Variants in EDN3 observed in about 807,000 individuals in gnomAD.
EDN3 encodes the protein endothelin 3, also known as endothelin-3.
Under a neutral mutation model 21.4 loss-of-function variants are expected in EDN3, and 9 were observed. The observed-to-expected ratio is 0.42, with a 90% CI of 0.25 to 0.73. The LOEUF is 0.73. Ranked by LOEUF, EDN3 falls within the 30% of genes least tolerant of loss-of-function variation. The pLI is 0.26. For missense variants in EDN3, 327 were observed against 309.4 expected (o/e 1.06, Z -0.43); for synonymous variants, 133 against 126.2 (o/e 1.05, Z -0.36).
At position 59,322,583 on chromosome 20, in the gene EDN3, G is replaced by T. The variant is rs550956460; in HGVS notation, c.588+166G>T. On this transcript the variant is annotated intron_variant, in intron 4 of 4. Transcript: ENST00000337938. The surrounding 1 kb of genome is among the most constrained non-coding windows in gnomAD (Gnocchi z 4.1). ...CCCACAAGCAATGGTGCCTTTGGTG[G>T]ACCGTTTCTGGGGGCAGAGCGGGCT... is the stretch of plus-strand genomic sequence containing the variant. The T allele has an allele frequency of 5.3e-6, 5 of 951,872 alleles. No individual in the cohort carries two copies. The East Asian group carries it at 1.3e-4, about 25-fold the overall frequency. The allele number at this position is 951,872 out of a possible 1,614,324, so 59.0% of individuals were successfully genotyped here. A position where few individuals can be genotyped will look rare whatever the true frequency, so the allele number is the denominator to read the frequency against.
chr20:59,322,948 TGTC>T lies in EDN3; in HGVS notation c.588+532_588+534del, dbSNP rs1256522518. ...ATTGTATTATTTTTTTTAACCCACT[TGTC>T]TTTTTTGTATGAGAGATCCTGAGGG... On this transcript the variant is annotated intron_variant, in intron 4 of 4. Coordinates refer to ENST00000337938, the MANE Select transcript of EDN3 (RefSeq NM_207034.3). The surrounding 1 kb of genome is among the most constrained non-coding windows in gnomAD (Gnocchi z 4.1). 3.3e-5 allele frequency among the ~76,000 whole-genome samples: 5 copies of T among 152,194 alleles called. No individual in the cohort carries two copies. Among genetic ancestry groups the T allele is most frequent in the African/African-American group, 1.2e-4 (5 of 41,434 alleles).
chr20:59,310,304 C>A (rs1251494089), intron 2 of EDN3, among the ~76,000 whole-genome samples: 2 of 152,120 alleles, frequency 1.3e-5, no homozygotes, highest in Non-Finnish European at 2.9e-5. Flanking sequence ...AAACAGAGTT[C>A]CTCAAAATTG....
At chr20:59,316,125 G>T (rs1356914893) in intron 2 of EDN3, among the ~76,000 whole-genome samples, 1 of 152,214 alleles carries the variant, frequency 6.6e-6, no homozygotes, top group Non-Finnish European at 1.5e-5. Context: ...GGCGGAGGTT[G>T]CAGTGAGCCA....
At chr20:59,313,511 G>A (rs1989969823) in intron 2 of EDN3, among the ~76,000 whole-genome samples, 1 of 152,140 alleles carries the variant, frequency 6.6e-6, no homozygotes, top group Non-Finnish European at 1.5e-5. Flanking sequence ...TAAATCCAAA[G>A]GTTTTTTGAG....
Position 59,305,043 on chromosome 20 carries a change from T to C in EDN3, c.365+3321T>C, listed in dbSNP as rs1989306497. On this transcript the variant is annotated intron_variant, in intron 2 of 4. Transcript: ENST00000337938. This position sits in a 1 kb window ranked among gnomAD's most constrained non-coding sequence, Gnocchi z 4.2. ...TGCTCTTCAGGGGCCTGCACATCCCTGTAGACAGGGGTGGGCAAGAGAGTT... is the reference window on the plus strand; with the variant it reads ...TGCTCTTCAGGGGCCTGCACATCCCCGTAGACAGGGGTGGGCAAGAGAGTT... Among the ~76,000 whole-genome samples, 1 of 152,210 alleles carries C rather than the reference T, an allele frequency of 6.6e-6. No individual in the cohort carries two copies. The highest frequency in any genetic ancestry group is 2.1e-4 in the South Asian group (1 of 4,824).
chr20:59,302,798 C>T (rs565798824), intron 2 of EDN3, among the ~76,000 whole-genome samples: 31 of 152,266 alleles, frequency 2.0e-4, no homozygotes, highest in African/African-American at 7.0e-4. Context: ...GTCCCGGAGC[C>T]GTCTTGATTC....
Position 59,301,560 on chromosome 20 carries a change from C to G in EDN3, c.203C>G (p.Pro68Arg). ...VAGPGEGTVAPTALQGPSPGS... is the reference protein window; with the variant it reads ...VAGPGEGTVARTALQGPSPGS... ...GGCCCTGGCGAGGGGACTGTGGCCC[C>G]GACAGCACTGCAGGGTCCAAGCCCT... The change falls in exon 2 of 5, where the codon CCG becomes CGG. Residue 68 changes from proline (P) to arginine (R), a missense_variant. Coordinates refer to ENST00000337938, the MANE Select transcript of EDN3 (RefSeq NM_207034.3). The G allele has an allele frequency of 6.2e-7, 1 of 1,613,320 alleles. No homozygotes were observed. Among genetic ancestry groups the G allele is most frequent in the South Asian group, 1.1e-5 (1 of 91,070 alleles).
chr20:59,316,163 C>T (rs11570320), intron 2 of EDN3, among the ~76,000 whole-genome samples: 3,373 of 152,066 alleles, frequency 0.022, 122 homozygotes, highest in African/African-American at 0.077. Context: ...TCCAGCCTGG[C>T]GACAGAGTGA....
At chr20:59,304,010 C>T (rs1362176846) in intron 2 of EDN3, among the ~76,000 whole-genome samples, 1 of 152,112 alleles carries the variant, frequency 6.6e-6, no homozygotes, top group East Asian at 1.9e-4. Flanking sequence ...CAAATGGCCT[C>T]CTTCCCTCCC....
chr20:59,318,841 G>A, intron 2 of EDN3, among the ~76,000 whole-genome samples: 1 of 152,244 alleles, frequency 6.6e-6, no homozygotes, highest in Non-Finnish European at 1.5e-5. Flanking sequence ...GCTGACAGCA[G>A]TTTCAAAATT....
At position 59,301,467 on chromosome 20, in the gene EDN3, C is replaced by A. The variant is rs779215514; in HGVS notation, c.110C>A (p.Pro37His). The change falls in exon 2 of 5, where the codon CCC becomes CAC. Residue 37 changes from proline (P) to histidine (H), a missense_variant. Transcript: ENST00000337938. ...GGCAGGCGCGGCGTGTCCCAGGCCC[C>A]CACTGCAGCCAGATCTGAGGGGGAC... Reference protein sequence around the residue: ...DAGRRGVSQAPTAARSEGDCE... With the variant: ...DAGRRGVSQAHTAARSEGDCE... 1.2e-6 allele frequency: 2 copies of A among 1,613,402 alleles called. No homozygotes were observed. The highest frequency in any genetic ancestry group is 3.3e-5 in the Admixed American group (2 of 60,024).
At chr20:59,304,849 T>G (rs529162608) in intron 2 of EDN3, among the ~76,000 whole-genome samples, 1 of 152,300 alleles carries the variant, frequency 6.6e-6, no homozygotes, top group East Asian at 1.9e-4. Flanking sequence ...CCGAGCTTGG[T>G]CGGCCCTTTC....
At chr20:59,303,679 C>A (rs1293485154) in intron 2 of EDN3, among the ~76,000 whole-genome samples, 1 of 152,152 alleles carries the variant, frequency 6.6e-6, no homozygotes, top group Non-Finnish European at 1.5e-5. Context: ...TCAACCAACA[C>A]CCTGTGATCT....
rs1990811103 is a variant in EDN3 at position 59,325,876 on chromosome 20, A to G, written c.*1417A>G. Reference sequence around the variant, plus strand: ...TTAGAGCTTGAATTACATTTTTAAAATGCATATGTGCTGTTTGGCACCGTG... The same window carrying G: ...TTAGAGCTTGAATTACATTTTTAAAGTGCATATGTGCTGTTTGGCACCGTG... On this transcript the variant is annotated 3_prime_UTR_variant, in exon 5 of 5. Transcript: ENST00000337938. 6.6e-6 allele frequency: 1 copy of G among 152,254 alleles called. No homozygotes were observed. The highest frequency in any genetic ancestry group is 1.5e-5 in the Non-Finnish European group (1 of 68,052). The allele number at this position is 152,254 out of a possible 1,614,324, so 9.4% of individuals were successfully genotyped here.
intron 2 of EDN3, among the ~76,000 whole-genome samples, chr20:59,313,606 A>G (rs571866987): frequency 2.6e-5 from 4 of 152,330 alleles, no homozygotes; most frequent in Non-Finnish European, 5.9e-5. Flanking sequence ...GTATTTCCAA[A>G]TATTCTAGAA....
rs1989302700 is a variant in EDN3 at position 59,305,005 on chromosome 20, C to T, written c.365+3283C>T. 6.6e-6 allele frequency among the ~76,000 whole-genome samples: 1 copy of T among 152,190 alleles called. No individual in the cohort carries two copies. Among genetic ancestry groups the T allele is most frequent in the Non-Finnish European group, 1.5e-5 (1 of 68,028 alleles). ...TCTCCCACACAGGAGGCCTCTTTCT[C>T]CAGGTGCCTGGCTGCTCTTCAGGGG... On this transcript the variant is annotated intron_variant, in intron 2 of 4. Transcript: ENST00000337938. The surrounding 1 kb of genome is among the most constrained non-coding windows in gnomAD (Gnocchi z 4.2).
intron 2 of EDN3, among the ~76,000 whole-genome samples, chr20:59,306,083 G>A (rs886291072): frequency 1.3e-5 from 2 of 152,078 alleles, no homozygotes; most frequent in African/African-American, 2.4e-5. Context: ...GAGCCCCACT[G>A]TGCTCCTCCC....
chr20:59,320,150 C>G (rs1990434971), intron 2 of EDN3, among the ~76,000 whole-genome samples: 1 of 152,218 alleles, frequency 6.6e-6, no homozygotes. Context: ...TGGTTTCAAG[C>G]CTTCTTCATC....
Position 59,315,980 on chromosome 20 carries a change from CTG to C in EDN3, c.366-5036_366-5035del, listed in dbSNP as rs1456412256. Among the ~76,000 whole-genome samples the C allele has an allele frequency of 2.0e-5, 3 of 152,130 alleles. No individual in the cohort carries two copies. In the East Asian group the frequency reaches 5.8e-4, roughly 29 times the overall value. Reference sequence around the variant, plus strand: ...GGGGGTGGATCACGAGGTCAAACGACTGAGACCATTCTGGCCAACATGGTGAA... The same window carrying C: ...GGGGGTGGATCACGAGGTCAAACGACAGACCATTCTGGCCAACATGGTGAA... On this transcript the variant is annotated intron_variant, in intron 2 of 4. Transcript: ENST00000337938.
Sources: allele counts gnomAD v4.1 joint callset (sites outside exome capture counted in the v4.1 genomes callset), GRCh38; gene constraint gnomAD v4.1.1; non-coding constraint Gnocchi (gnomAD v3.1); transcripts MANE v1.5; gene names NCBI Gene and HGNC (gene_info 2026-07-23, HGNC 2026-07-21).